Variants in FBXL17 observed in about 807,000 individuals in gnomAD.
FBXL17 encodes the protein F-box/LRR-repeat protein 17.
In FBXL17, 22 loss-of-function variants were observed where a neutral mutation model predicts 66.2. That is an observed-to-expected ratio of 0.33 (90% CI 0.24 to 0.47). The LOEUF (loss-of-function observed/expected upper bound fraction) is 0.47. FBXL17 is among the 20% of genes least tolerant of loss of function. The pLI, the probability that FBXL17 is intolerant of heterozygous loss-of-function variation, is 1.00. For synonymous variants in FBXL17, 474 were observed against 400.5 expected (o/e 1.18, Z -2.19); for missense variants, 878 against 948.2 (o/e 0.93, Z 0.97).
At chr5:108,075,965 A>G (rs1454654550) in intron 6 of FBXL17, among the ~76,000 whole-genome samples, 1 of 152,256 alleles carries the variant, frequency 6.6e-6, no homozygotes, top group African/African-American at 2.4e-5. Context: ...AATTAAAGAA[A>G]TGATCCCAAA....
rs764052812 is a variant in FBXL17, at chr5:108,163,399, C to CTTTTT, written c.1745+22713_1745+22717dup. Among the ~76,000 whole-genome samples the CTTTTT allele has an allele frequency of 7.7e-5, 10 of 129,554 alleles. 1 individual carries two copies. Among genetic ancestry groups the CTTTTT allele is most frequent in the African/African-American group, 1.0e-4 (3 of 29,986 alleles). The allele number at this position is 129,554 out of a possible 152,430, so 85.0% of individuals were successfully genotyped here. Reference sequence around the variant, plus strand: ...GCAGGACATGAAAACTTTTTTTTTTCTTTTTTTTTTTTTTTTTTTGAGACA... The same window carrying CTTTTT: ...GCAGGACATGAAAACTTTTTTTTTTCTTTTTTTTTTTTTTTTTTTTTTTTGAGACA... On this transcript the variant is annotated intron_variant, in intron 6 of 8. Transcript: ENST00000542267.
chr5:108,311,845 A>C (rs1004397665), intron 4 of FBXL17, among the ~76,000 whole-genome samples: 3 of 152,248 alleles, frequency 2.0e-5, no homozygotes, highest in African/African-American at 7.2e-5. Context: ...AAAGAGAAGA[A>C]GAGAGATAAT....
intron 6 of FBXL17, among the ~76,000 whole-genome samples, chr5:108,175,259 G>A (rs1038931725): frequency 8.5e-5 from 13 of 152,088 alleles, no homozygotes; most frequent in African/African-American, 2.2e-4. Flanking sequence ...GGCACAGGGC[G>A]CAAGATGAAG....
rs1478808766 is a variant in FBXL17, at chr5:108,364,977, C to A, written c.1135G>T (p.Glu379Ter). The A allele has an allele frequency of 6.2e-7, 1 of 1,609,354 alleles. No individual in the cohort carries two copies. Among genetic ancestry groups the A allele is most frequent in the Non-Finnish European group, 8.5e-7 (1 of 1,176,782 alleles). ...TTCTGACTTCTTGATGCAATTTTTT[C>A]CAACAATTCATCAGTGACCTGTAAG... ...SRQQVTDELL[E>*]KIASRSQNII... Residue 379 changes from glutamate to a stop codon, truncating the protein, a stop_gained, in exon 3 of 9, where the codon GAA becomes TAA. Coordinates refer to ENST00000542267, the MANE Select transcript of FBXL17 (RefSeq NM_001163315.3). LOFTEE classifies it high-confidence loss of function.
chr5:108,275,842 T>C (rs1055145984), intron 4 of FBXL17, among the ~76,000 whole-genome samples: 7 of 152,176 alleles, frequency 4.6e-5, no homozygotes, highest in African/African-American at 1.7e-4. Context: ...ACACATAACC[T>C]AACTTTCTTT....
At chr5:107,933,406 A>AT (rs1333664594) in intron 7 of FBXL17, among the ~76,000 whole-genome samples, 1 of 152,180 alleles carries the variant, frequency 6.6e-6, no homozygotes, top group African/African-American at 2.4e-5. Flanking sequence ...GCAAATTTTT[A>AT]CTTACGACTT....
chr5:108,248,844 GA>G (rs966118584), intron 4 of FBXL17, among the ~76,000 whole-genome samples: 6 of 151,316 alleles, frequency 4.0e-5, no homozygotes, highest in African/African-American at 1.5e-4. Flanking sequence ...TCTATATCCA[GA>G]AAAAAAATAT....
intron 7 of FBXL17, among the ~76,000 whole-genome samples, chr5:107,888,992 T>C (rs2112513751): frequency 6.6e-6 from 1 of 152,328 alleles, no homozygotes; most frequent in African/African-American, 2.4e-5. Flanking sequence ...CTTGCATTCT[T>C]GGTACTTGGT....
intron 4 of FBXL17, among the ~76,000 whole-genome samples, chr5:108,331,840 G>A (rs914540377): frequency 6.6e-6 from 1 of 151,946 alleles, no homozygotes; most frequent in Non-Finnish European, 1.5e-5. Flanking sequence ...AAAAGACCTC[G>A]TTATCCATAT....
intron 4 of FBXL17, among the ~76,000 whole-genome samples, chr5:108,272,065 A>C (rs1031608775): frequency 2.6e-5 from 4 of 152,042 alleles, no homozygotes; most frequent in Admixed American, 6.6e-5. Context: ...CCGAGATGGG[A>C]GGATCACGAG....
chr5:108,096,076 G>A (rs572737545), intron 6 of FBXL17, among the ~76,000 whole-genome samples: 3 of 152,052 alleles, frequency 2.0e-5, no homozygotes, highest in African/African-American at 7.2e-5. Context: ...ACTGTTATAC[G>A]CTTGTTTGCA....
intron 4 of FBXL17, among the ~76,000 whole-genome samples, chr5:108,282,888 T>C (rs1220313193): frequency 1.3e-5 from 2 of 151,220 alleles, no homozygotes; most frequent in Non-Finnish European, 3.0e-5. Flanking sequence ...AGAAATCAAG[T>C]TGGCAATCCC....
intron 6 of FBXL17, among the ~76,000 whole-genome samples, chr5:108,069,007 A>T (rs964251284): frequency 4.6e-5 from 7 of 152,212 alleles, no homozygotes; most frequent in African/African-American, 1.7e-4. Context: ...GGCTGGAAAC[A>T]AGATCATAAG....
At chr5:108,379,915 T>A (rs916627372) in intron 1 of FBXL17, among the ~76,000 whole-genome samples, 3 of 152,248 alleles carry the variant, frequency 2.0e-5, no homozygotes, top group Admixed American at 2.0e-4. Context: ...TGTATGCTTT[T>A]ATGCAAGGGT....
At chr5:108,301,893 C>A (rs1758606686) in intron 4 of FBXL17, 1 of 302,996 alleles carries the variant, frequency 3.3e-6, no homozygotes, top group Admixed American at 6.5e-5. Flanking sequence ...ACTCTGATAA[C>A]AATGAAATCC....
chr5:107,988,265 A>G (rs1471092834), intron 7 of FBXL17, among the ~76,000 whole-genome samples: 1 of 151,790 alleles, frequency 6.6e-6, no homozygotes, highest in Non-Finnish European at 1.5e-5. Context: ...CTAGCAAGAT[A>G]TCTCCTTTCA....
chr5:108,132,223 G>A (rs1232911975), intron 6 of FBXL17, among the ~76,000 whole-genome samples: 3 of 152,094 alleles, frequency 2.0e-5, no homozygotes, highest in Admixed American at 6.6e-5. Context: ...TAATCCGCCC[G>A]CATCAGCCTC....
chr5:108,331,353 A>G (rs1054534080), intron 4 of FBXL17, among the ~76,000 whole-genome samples: 3 of 152,236 alleles, frequency 2.0e-5, no homozygotes. Flanking sequence ...CTCCATCTGT[A>G]GTGAAAGCAA....
intron 6 of FBXL17, among the ~76,000 whole-genome samples, chr5:108,148,469 G>A (rs1183965696): frequency 1.3e-5 from 2 of 152,172 alleles, no homozygotes; most frequent in Non-Finnish European, 2.9e-5. Flanking sequence ...TCTATGGTCT[G>A]GAGCTGCCTG....
Sources: allele counts gnomAD v4.1 joint callset (sites outside exome capture counted in the v4.1 genomes callset), GRCh38; gene constraint gnomAD v4.1.1; transcripts MANE v1.5; gene names NCBI Gene and HGNC (gene_info 2026-07-23, HGNC 2026-07-21).